SLC6A5: variants seen among roughly 807,000 people sequenced by gnomAD.
The protein encoded by SLC6A5 is solute carrier family 6 member 5.
SLC6A5 carries 58 observed loss-of-function variants against 90.5 expected under a neutral mutation model. The ratio of observed to expected loss-of-function variants is 0.64; its 90% CI spans 0.52 to 0.80. The LOEUF (loss-of-function observed/expected upper bound fraction) is 0.80, where lower values mean the gene tolerates loss of function less well. SLC6A5 is among the 30% of genes least tolerant of loss of function. The probability of loss-of-function intolerance (pLI) is 0.00; values close to 1 mark genes in which losing one functional copy is unlikely to be tolerated. For missense variants in SLC6A5, 1,015 were observed against 1,017.6 expected (o/e 1.00, Z 0.03); for synonymous variants, 427 against 401.4 (o/e 1.06, Z -0.76).
intron 13 of SLC6A5, among the ~76,000 whole-genome samples, chr11:20,646,047 G>T (rs917157182): frequency 6.6e-6 from 1 of 152,154 alleles, no homozygotes; most frequent in African/African-American, 2.4e-5. Flanking sequence ...CCACAGTCCT[G>T]GGAAGGCCAC....
intron 14 of SLC6A5, among the ~76,000 whole-genome samples, chr11:20,650,385 A>T (rs573301209): frequency 4.6e-5 from 7 of 152,304 alleles, no homozygotes; most frequent in South Asian, 4.2e-4. Context: ...GAGGGGTCTC[A>T]TGGCTGTTGC....
At chr11:20,614,382 A>G (rs1016285470) in intron 5 of SLC6A5, among the ~76,000 whole-genome samples, 4 of 152,192 alleles carry the variant, frequency 2.6e-5, no homozygotes, top group Non-Finnish European at 5.9e-5. Flanking sequence ...GGCTGTTGTG[A>G]GGATTAAATG....
intron 7 of SLC6A5, among the ~76,000 whole-genome samples, chr11:20,621,644 A>G (rs1390275540): frequency 6.6e-6 from 1 of 152,222 alleles, no homozygotes; most frequent in Admixed American, 6.5e-5. Flanking sequence ...ATGGAGCATT[A>G]TTTGGGAGCC....
chr11:20,651,519 C>T (rs940547040), intron 14 of SLC6A5, among the ~76,000 whole-genome samples: 3 of 150,580 alleles, frequency 2.0e-5, no homozygotes, highest in Non-Finnish European at 3.0e-5. Context: ...GGTGATCCAC[C>T]GCCTCAGCCT....
chr11:20,616,179 G>A (rs1852780182), intron 6 of SLC6A5, among the ~76,000 whole-genome samples: 1 of 152,124 alleles, frequency 6.6e-6, no homozygotes, highest in Non-Finnish European at 1.5e-5. Context: ...TAGACTCAGG[G>A]TGTACATAGT....
At chr11:20,647,613 T>C (rs1853445715) in intron 14 of SLC6A5, among the ~76,000 whole-genome samples, 1 of 152,086 alleles carries the variant, frequency 6.6e-6, no homozygotes, top group South Asian at 2.1e-4. Context: ...CTGTAGGCTT[T>C]GTTCACAGTG....
chr11:20,630,337 C>A, intron 9 of SLC6A5, among the ~76,000 whole-genome samples: 1 of 152,166 alleles, frequency 6.6e-6, no homozygotes, highest in South Asian at 2.1e-4. Flanking sequence ...GACTTAATCA[C>A]TTTTCTAAAG....
chr11:20,650,655 C>CTTTTTTTTTTTT (rs55849528), intron 14 of SLC6A5, among the ~76,000 whole-genome samples: 1 of 79,840 alleles, frequency 1.3e-5, no homozygotes, highest in African/African-American at 5.1e-5. Context: ...GACGCCTGTT[C>CTTTTTTTTTTTT]TTTTTTTTTT....
In SLC6A5 at chr11:20,644,475, A is replaced by G. The variant is rs115166527; in HGVS notation, c.1970-2359A>G. On this transcript the variant is annotated intron_variant, in intron 13 of 15. Transcript: ENST00000525748. ...ATGTACACCACACATTTATCCATTC[A>G]TCAGTTGATGTGCACTTATGTTGAT... 3.1e-3 allele frequency among the ~76,000 whole-genome samples: 472 copies of G among 152,370 alleles called. 3 individuals carry two copies. The highest frequency in any genetic ancestry group is 0.011 in the African/African-American group (456 of 41,588).
chr11:20,631,473 CAAAG>C (rs953262689), intron 10 of SLC6A5, among the ~76,000 whole-genome samples: 5 of 152,198 alleles, frequency 3.3e-5, no homozygotes, highest in Admixed American at 6.5e-5. Flanking sequence ...TTCAAGTTGA[CAAAG>C]AGCTTTCATT....
intron 5 of SLC6A5, among the ~76,000 whole-genome samples, chr11:20,611,854 G>A (rs780625930): frequency 4.6e-5 from 7 of 151,992 alleles, no homozygotes; most frequent in Non-Finnish European, 1.0e-4. Context: ...CAGCACATGA[G>A]CGTGTTCTGT....
Position 20,601,508 on chromosome 11 carries a change from C to G in SLC6A5, c.383C>G (p.Pro128Arg). Residue 128 changes from proline to arginine, a missense_variant, in exon 2 of 16, where the codon CCG becomes CGG. Around this residue, in one of 3 missense-constraint regions of SLC6A5, gnomAD observed 567 missense variants for 507.3 expected, o/e 1.12. Coordinates refer to ENST00000525748, the MANE Select transcript of SLC6A5 (RefSeq NM_004211.5). ...TGTAAGATCCCTTTTCTGCGAGGCC[C>G]GGAGGGGGATGCGAACGTGAGTGTG... ...LHCKIPFLRG[P>R]EGDANVSVGK... is the part of the protein sequence containing the mutation. 6.2e-7 allele frequency: 1 copy of G among 1,614,032 alleles called. No individual in the cohort carries two copies. Among genetic ancestry groups the G allele is most frequent in the Non-Finnish European group, 8.5e-7 (1 of 1,179,974 alleles).
At chr11:20,638,668 A>G in intron 13 of SLC6A5, 110 bp downstream of exon 13, 5 of 763,464 alleles carry the variant, frequency 6.5e-6, no homozygotes, top group Non-Finnish European at 1.2e-5. Context: ...TTAAATTGCA[A>G]CTATTTAGGA....
chr11:20,618,691 C>T (rs951872963), intron 7 of SLC6A5, among the ~76,000 whole-genome samples: 1 of 152,088 alleles, frequency 6.6e-6, no homozygotes. Flanking sequence ...AATCCCAGCA[C>T]TTTGGGAGGC....
Position 20,637,197 on chromosome 11 carries a change from C to A in SLC6A5, c.1763C>A (p.Thr588Asn). Reference protein sequence around the residue: ...TMFATIETIVTSISDEFPKYL... With the variant: ...TMFATIETIVNSISDEFPKYL... ...TTTGCCACCATCGAGACCATAGTGA[C>A]CTCCATCTCAGACGAGTTTCCCAAG... The change falls in exon 12 of 16, where the codon ACC becomes AAC. Residue 588 changes from threonine (T) to asparagine (N), a missense_variant. By Grantham distance (65) the Thr-to-Asn change is moderately conservative. Transcript: ENST00000525748. The A allele has an allele frequency of 6.2e-7, 1 of 1,613,926 alleles. No individual in the cohort carries two copies. Among genetic ancestry groups the A allele is most frequent in the South Asian group, 1.1e-5 (1 of 91,068 alleles).
At chr11:20,601,766 C>T (rs1565270092) in intron 2 of SLC6A5, 101 bp downstream of exon 2, 20 of 1,288,934 alleles carry the variant, frequency 1.6e-5, no homozygotes, top group Non-Finnish European at 2.1e-5. Flanking sequence ...ATGGGGAAAC[C>T]GGTTGGCAGT....
At chr11:20,636,796 G>C (rs1291314224) in intron 11 of SLC6A5, among the ~76,000 whole-genome samples, 2 of 152,154 alleles carry the variant, frequency 1.3e-5, no homozygotes, top group Non-Finnish European at 1.5e-5. Flanking sequence ...CATGCTGACA[G>C]GTGCTCAGAG....
At chr11:20,643,033 G>A (rs889789562) in intron 13 of SLC6A5, among the ~76,000 whole-genome samples, 1 of 152,144 alleles carries the variant, frequency 6.6e-6, no homozygotes, top group Non-Finnish European at 1.5e-5. Flanking sequence ...CGGGGAGCTT[G>A]AGCACTTTTA....
chr11:20,610,601 G>C (rs546000730), intron 5 of SLC6A5, among the ~76,000 whole-genome samples: 4 of 152,250 alleles, frequency 2.6e-5, no homozygotes, highest in Admixed American at 6.5e-5. Context: ...CAGAGATATG[G>C]AGTGTTCTTT....
Sources: allele counts gnomAD v4.1 joint callset (sites outside exome capture counted in the v4.1 genomes callset), GRCh38; gene constraint gnomAD v4.1.1; regional missense constraint gnomAD v4.1.1; transcripts MANE v1.5; gene names NCBI Gene and HGNC (gene_info 2026-07-23, HGNC 2026-07-21).